Variants in RGS22 observed in about 807,000 individuals in gnomAD.
RGS22 encodes the protein regulator of G-protein signaling 22.
Under a neutral mutation model 172.9 loss-of-function variants are expected in RGS22, and 148 were observed. The observed-to-expected ratio is 0.86, with a 90% confidence interval of 0.75 to 0.98. The LOEUF is 0.98. Ranked by LOEUF, RGS22 falls within the 50% of genes least tolerant of loss-of-function variation. The probability of loss-of-function intolerance (pLI) is 0.00; values close to 1 mark genes in which losing one functional copy is unlikely to be tolerated. For synonymous variants in RGS22, 458 were observed against 480.2 expected (o/e 0.95, Z 0.60); for missense variants, 1,347 against 1,440.8 (o/e 0.93, Z 1.05).
At position 100,086,983 on chromosome 8, in the gene RGS22, C is replaced by T. The variant is rs1586254006; in HGVS notation, c.117+6464G>A. On this transcript the variant is annotated intron_variant, in intron 3 of 27. Transcript: ENST00000360863. Reference sequence around the variant, plus strand: ...ATGGGTATTCATATATGAGGTGGTGCCAGCCGTCTGTGTTTGATACCCAGG... The same window carrying T: ...ATGGGTATTCATATATGAGGTGGTGTCAGCCGTCTGTGTTTGATACCCAGG... Among the ~76,000 whole-genome samples, 4 of 152,070 alleles carry T rather than the reference C, an allele frequency of 2.6e-5. No individual in the cohort carries two copies. In the South Asian group the frequency reaches 8.3e-4, roughly 32 times the overall value.
chr8:100,083,388 A>G (rs1563715106), intron 3 of RGS22, among the ~76,000 whole-genome samples: 1 of 152,138 alleles, frequency 6.6e-6, no homozygotes, highest in Non-Finnish European at 1.5e-5. Context: ...GTTTTTTTTG[A>G]GACTGAGTCT....
chr8:99,973,826 G>A (rs1250914521), intron 23 of RGS22, among the ~76,000 whole-genome samples: 1 of 148,268 alleles, frequency 6.7e-6, no homozygotes, highest in Non-Finnish European at 1.5e-5. Context: ...TCGAGATTGT[G>A]CCACTGCACT....
In RGS22 at chr8:100,062,745, C is replaced by A; in HGVS notation, c.1360G>T (p.Glu454Ter). ...KDPGRHQRHL[E>*]KMKKCYLVSN... ...ACTAGATAGCATTTTTTCATCTTCT[C>A]AAGATGTCTGAAATAAAACACATTT... Residue 454 changes from glutamate to a stop codon, truncating the protein, a stop_gained, in exon 9 of 28, where the codon GAG becomes TAG. Transcript: ENST00000360863. LOFTEE classifies it high-confidence loss of function. The A allele has an allele frequency of 1.3e-6, 2 of 1,595,992 alleles. No homozygotes were observed. The highest frequency in any genetic ancestry group is 2.3e-5 in the South Asian group (2 of 87,958).
chr8:99,985,150 C>G (rs978405000), intron 21 of RGS22, among the ~76,000 whole-genome samples: 2 of 152,194 alleles, frequency 1.3e-5, no homozygotes, highest in Non-Finnish European at 2.9e-5. Context: ...CAAAGTCTAG[C>G]TCTACCAGTT....
intron 14 of RGS22, 179 bp downstream of exon 14, chr8:100,038,752 C>T (rs1819775258): frequency 4.9e-6 from 2 of 408,040 alleles, no homozygotes; most frequent in African/African-American, 4.1e-5. Flanking sequence ...AAACTGAAAA[C>T]TCACAAATCA....
chr8:100,104,661 G>A (rs993851449), intron 2 of RGS22, among the ~76,000 whole-genome samples: 1 of 152,168 alleles, frequency 6.6e-6, no homozygotes, highest in Non-Finnish European at 1.5e-5. Context: ...ATGCATGTTT[G>A]TTGATTGAAA....
chr8:100,017,264 G>T (rs1439805900), intron 14 of RGS22, among the ~76,000 whole-genome samples: 1 of 152,030 alleles, frequency 6.6e-6, no homozygotes, highest in African/African-American at 2.4e-5. Context: ...TTACAAGCAT[G>T]AGCCACCATG....
intron 19 of RGS22, among the ~76,000 whole-genome samples, chr8:99,996,983 C>T (rs1464494703): frequency 2.0e-5 from 3 of 152,136 alleles, no homozygotes; most frequent in Non-Finnish European, 4.4e-5. Flanking sequence ...CATAACAAAC[C>T]TGTGCTATTG....
chr8:100,034,027 T>G (rs952235351), intron 14 of RGS22, among the ~76,000 whole-genome samples: 1 of 152,148 alleles, frequency 6.6e-6, no homozygotes, highest in Non-Finnish European at 1.5e-5. Flanking sequence ...GGGCAAAAAC[T>G]GGAAGCATTC....
At chr8:99,979,911 A>T (rs914464026) in intron 22 of RGS22, among the ~76,000 whole-genome samples, 1 of 152,184 alleles carries the variant, frequency 6.6e-6, no homozygotes, top group African/African-American at 2.4e-5. Context: ...AGAGGTAAAA[A>T]CAAGGGAGAG....
chr8:100,053,290 T>C (rs2980531), intron 9 of RGS22, among the ~76,000 whole-genome samples: 89,397 of 151,866 alleles, frequency 0.59, 26,467 homozygotes, highest in Admixed American at 0.64. Context: ...GGCATGGTGA[T>C]GGGCGCCTGT....
intron 18 of RGS22, among the ~76,000 whole-genome samples, chr8:100,001,502 G>T (rs900970053): frequency 6.6e-6 from 1 of 151,898 alleles, no homozygotes; most frequent in African/African-American, 2.4e-5. Flanking sequence ...CCAAAGTGCT[G>T]GGATTACAGG....
intron 23 of RGS22, among the ~76,000 whole-genome samples, chr8:99,966,377 C>T (rs4554440): frequency 0.069 from 10,486 of 151,992 alleles, 490 homozygotes; most frequent in African/African-American, 0.12. Flanking sequence ...CTTTACCACA[C>T]ACAACATACC....
At chr8:100,077,226 T>G (rs1189697634) in intron 4 of RGS22, among the ~76,000 whole-genome samples, 2 of 152,146 alleles carry the variant, frequency 1.3e-5, no homozygotes, top group Admixed American at 6.5e-5. Flanking sequence ...TCATGGATTT[T>G]TCTCTCTTGT....
chr8:100,024,417 GT>G (rs1432541923), intron 14 of RGS22, among the ~76,000 whole-genome samples: 2 of 152,102 alleles, frequency 1.3e-5, no homozygotes, highest in Non-Finnish European at 2.9e-5. Flanking sequence ...CTTTCATTAG[GT>G]TTATAATACG....
intron 6 of RGS22, 27 bp downstream of exon 6, chr8:100,071,342 G>A (rs760156597): frequency 2.2e-5 from 35 of 1,565,152 alleles, no homozygotes; most frequent in Non-Finnish European, 2.9e-5. Context: ...GAAGCGCTAA[G>A]TCATGAAAAA....
chr8:100,072,445 A>G (rs1811057858), intron 4 of RGS22, among the ~76,000 whole-genome samples: 1 of 152,132 alleles, frequency 6.6e-6, no homozygotes, highest in Admixed American at 6.6e-5. Context: ...ACAATCCTAT[A>G]TTAACTATAT....
chr8:99,981,959 G>A lies in RGS22; in HGVS notation c.3338C>T (p.Pro1113Leu), dbSNP rs373970879. The A allele has an allele frequency of 6.2e-6, 10 of 1,612,520 alleles. No individual in the cohort carries two copies. The highest frequency in any genetic ancestry group is 2.2e-5 in the East Asian group (1 of 44,760). Reference sequence around the variant, plus strand: ...TACCTGTGCCTCTCTAAATACATATGGTCCTAACTCCTTCCGGTGTTCAAT... The same window carrying A: ...TACCTGTGCCTCTCTAAATACATATAGTCCTAACTCCTTCCGGTGTTCAAT... The part of the protein sequence containing the change: ...KIIEHRKELG[P>L]YVFREAQMTI... The change falls in exon 22 of 28, where the codon CCA (proline) becomes CTA (leucine). Residue 1113 changes from proline to leucine, a missense_variant. Transcript: ENST00000360863.
At chr8:100,084,143 T>C (rs1169689299) in intron 3 of RGS22, among the ~76,000 whole-genome samples, 2 of 152,194 alleles carry the variant, frequency 1.3e-5, no homozygotes, top group East Asian at 3.8e-4. Context: ...GGCCACATAA[T>C]TTTAGTTAAG....
Sources: allele counts gnomAD v4.1 joint callset (sites outside exome capture counted in the v4.1 genomes callset), GRCh38; gene constraint gnomAD v4.1.1; transcripts MANE v1.5; gene names NCBI Gene and HGNC (gene_info 2026-07-23, HGNC 2026-07-21).